The following TAOK3 variants were observed in gnomAD, a reference collection of about 807,000 sequenced individuals.
TAOK3 encodes the protein serine/threonine-protein kinase TAO3.
In TAOK3, 40 loss-of-function variants were observed where a neutral mutation model predicts 120.4. The observed-to-expected ratio is 0.33, with a 90% confidence interval of 0.26 to 0.43. The LOEUF is 0.43. Ranked by LOEUF, TAOK3 falls within the 20% of genes least tolerant of loss-of-function variation. TAOK3 has a pLI of 1.00. For missense variants in TAOK3, 821 were observed against 1,112.1 expected (o/e 0.74, Z 3.72); for synonymous variants, 355 against 387.5 (o/e 0.92, Z 0.99).
chr12:118,219,557 C>T (rs1483132307), intron 9 of TAOK3, among the ~76,000 whole-genome samples: 7 of 151,964 alleles, frequency 4.6e-5, no homozygotes, highest in Non-Finnish European at 4.4e-5. Flanking sequence ...TTTGTCATTG[C>T]AAATTATATT....
intron 11 of TAOK3, among the ~76,000 whole-genome samples, chr12:118,204,456 G>A (rs2038191403): frequency 6.6e-6 from 1 of 152,086 alleles, no homozygotes; most frequent in East Asian, 1.9e-4. Flanking sequence ...CAATCTATAT[G>A]TCTTGTGGTT....
chr12:118,338,711 T>C (rs552602966), intron 1 of TAOK3, among the ~76,000 whole-genome samples: 111 of 131,676 alleles, frequency 8.4e-4, no homozygotes, highest in African/African-American at 3.1e-3. Context: ...CACTTGAACC[T>C]GGGAGGCAGA....
intron 12 of TAOK3, chr12:118,199,800 G>A (rs1482512502): frequency 6.3e-6 from 1 of 157,874 alleles, no homozygotes; most frequent in Non-Finnish European, 1.4e-5. Context: ...GGTAATTAAA[G>A]TCTGCCTCCC....
In TAOK3 at chr12:118,260,220, C is replaced by T. The variant is rs143490793; in HGVS notation, c.-88-4565G>A. ...CATGGCTCATTGCAGCCTCAACCTC[C>T]GGGACTCAAGTGATCCTCCCGGCTC... On this transcript the variant is annotated intron_variant, in intron 2 of 20. Transcript: ENST00000392533. Among the ~76,000 whole-genome samples the T allele has an allele frequency of 1.2e-3, 186 of 152,226 alleles. 1 individual carries two copies. Among genetic ancestry groups the T allele is most frequent in the African/African-American group, 4.3e-3 (177 of 41,554 alleles).
intron 1 of TAOK3, among the ~76,000 whole-genome samples, chr12:118,269,332 T>C (rs927447421): frequency 7.9e-5 from 12 of 151,146 alleles, no homozygotes; most frequent in African/African-American, 2.9e-4. Flanking sequence ...GGGCTAATTA[T>C]CCTCTCTCTA....
At chr12:118,163,803 C>T (rs2035388949) in intron 17 of TAOK3, among the ~76,000 whole-genome samples, 1 of 152,034 alleles carries the variant, frequency 6.6e-6, no homozygotes, top group Non-Finnish European at 1.5e-5. Context: ...CCTCCGCCTC[C>T]CAGGTTCAAG....
chr12:118,207,718 G>T, intron 11 of TAOK3, among the ~76,000 whole-genome samples: 1 of 152,088 alleles, frequency 6.6e-6, no homozygotes, highest in East Asian at 1.9e-4. Context: ...AGCCAGACAT[G>T]GTGGCGTGTG....
chr12:118,162,155 TGGCAGCAG>T, intron 17 of TAOK3, 128 bp from the exon 18 acceptor site: 2 of 1,186,454 alleles, frequency 1.7e-6, no homozygotes, highest in East Asian at 4.8e-5. Flanking sequence ...CATTAGTGTT[TGGCAGCAG>T]GACTTAATGA....
chr12:118,333,287 T>C (rs1370095635), intron 1 of TAOK3, among the ~76,000 whole-genome samples: 1 of 152,198 alleles, frequency 6.6e-6, no homozygotes, highest in African/African-American at 2.4e-5. Flanking sequence ...ACTGAATATG[T>C]CTTCTGATCA....
At chr12:118,263,703 C>T (rs928944995) in intron 2 of TAOK3, among the ~76,000 whole-genome samples, 2 of 152,084 alleles carry the variant, frequency 1.3e-5, no homozygotes, top group Non-Finnish European at 2.9e-5. Flanking sequence ...AAGCACTCTA[C>T]CAAGTGAGAT....
chr12:118,150,958 T>TTC lies in TAOK3; in HGVS notation c.*38_*39insGA. 1.2e-6 allele frequency: 1 copy of TTC among 812,468 alleles called. No homozygotes were observed. Among genetic ancestry groups the TTC allele is most frequent in the East Asian group, 4.1e-5 (1 of 24,410 alleles). 50.3% of individuals were successfully genotyped at this position (812,468 alleles called of 1,614,324 possible). ...GGGTCTGAATTTTTTTCTGTTTTCTTTTTTTTTTTTTTTTTTGTAAATGGC... is the reference window on the plus strand; with the variant it reads ...GGGTCTGAATTTTTTTCTGTTTTCTTTCTTTTTTTTTTTTTTTTGTAAATGGC... On this transcript the variant is annotated 3_prime_UTR_variant, in exon 21 of 21. Coordinates refer to ENST00000392533, the MANE Select transcript of TAOK3 (RefSeq NM_016281.4).
At chr12:118,359,899 A>G (rs1420145715) in intron 1 of TAOK3, among the ~76,000 whole-genome samples, 1 of 152,198 alleles carries the variant, frequency 6.6e-6, no homozygotes, top group Non-Finnish European at 1.5e-5. Flanking sequence ...TGAATTGATG[A>G]TTACCTAATT....
intron 3 of TAOK3, among the ~76,000 whole-genome samples, chr12:118,245,388 C>T (rs951464109): frequency 2.0e-5 from 3 of 152,014 alleles, no homozygotes; most frequent in African/African-American, 7.2e-5. Context: ...ACGATCTTGG[C>T]TCACTGTAGC....
At chr12:118,322,312 C>CA (rs372010412) in intron 1 of TAOK3, among the ~76,000 whole-genome samples, 13,985 of 64,136 alleles carry the variant, frequency 0.22, 1,076 homozygotes, top group Middle Eastern at 0.27. Context: ...GAGACTGTCT[C>CA]AAAAAAAAAA....
chr12:118,333,098 A>G (rs537637715), intron 1 of TAOK3, among the ~76,000 whole-genome samples: 1 of 152,202 alleles, frequency 6.6e-6, no homozygotes, highest in East Asian at 1.9e-4. Context: ...AAAATTAACA[A>G]AGACAAAAGA....
At chr12:118,201,500 A>G (rs1416627301) in intron 11 of TAOK3, 37 bp from the exon 12 acceptor site, 2 of 1,586,242 alleles carry the variant, frequency 1.3e-6, no homozygotes, top group Middle Eastern at 1.7e-4. Flanking sequence ...ACTGATAATG[A>G]AGAAATGTCC....
At chr12:118,265,199 G>A (rs1219212513) in intron 2 of TAOK3, among the ~76,000 whole-genome samples, 1 of 151,780 alleles carries the variant, frequency 6.6e-6, no homozygotes, top group African/African-American at 2.4e-5. Flanking sequence ...GACCAGCCTG[G>A]CCAACATGGT....
chr12:118,231,659 C>T (rs2039788101), intron 9 of TAOK3, among the ~76,000 whole-genome samples: 1 of 152,108 alleles, frequency 6.6e-6, no homozygotes, highest in Admixed American at 6.6e-5. Context: ...CACAGTGGCT[C>T]ATGCCTGTAA....
chr12:118,347,720 T>C (rs1278608549), intron 1 of TAOK3, among the ~76,000 whole-genome samples: 1 of 152,168 alleles, frequency 6.6e-6, no homozygotes, highest in African/African-American at 2.4e-5. Context: ...CCCTGCACTT[T>C]CTCTCATTTA....
Sources: allele counts gnomAD v4.1 joint callset (sites outside exome capture counted in the v4.1 genomes callset), GRCh38; gene constraint gnomAD v4.1.1; transcripts MANE v1.5; gene names NCBI Gene and HGNC (gene_info 2026-07-23, HGNC 2026-07-21).